The following ARHGEF11 variants were observed in gnomAD, a reference collection of about 807,000 sequenced individuals.
ARHGEF11 encodes Rho guanine exchange factor (GEF) 11.
In ARHGEF11, 55 loss-of-function variants were observed where a neutral mutation model predicts 193.7. That is an observed-to-expected ratio of 0.28 (90% CI 0.23 to 0.36). ARHGEF11 has a LOEUF of 0.36. Ranked by LOEUF, ARHGEF11 falls within the 10% of genes least tolerant of loss-of-function variation. The pLI is 1.00. For synonymous variants in ARHGEF11, 693 were observed against 768.0 expected, an observed-to-expected ratio of 0.90 and a Z score of 1.62; for missense variants, 1,723 against 2,005.6, an observed-to-expected ratio of 0.86 and a Z score of 2.69.
intron 6 of ARHGEF11, among the ~76,000 whole-genome samples, chr1:156,977,324 C>T (rs1303011147): frequency 6.6e-6 from 1 of 152,220 alleles, no homozygotes; most frequent in Non-Finnish European, 1.5e-5. Flanking sequence ...CTGAAAAGTC[C>T]TGTTCCCTAT....
intron 1 of ARHGEF11, among the ~76,000 whole-genome samples, chr1:157,019,985 G>A (rs570885024): frequency 2.4e-4 from 37 of 152,184 alleles, no homozygotes; most frequent in South Asian, 8.3e-4. Context: ...AAATTAGCCA[G>A]GTGTGGTGGC....
chr1:156,941,843 C>G, intron 34 of ARHGEF11, 21 bp downstream of exon 34: 2 of 1,594,236 alleles, frequency 1.3e-6, no homozygotes, highest in Non-Finnish European at 8.5e-7. Context: ...AGTGCAGGGT[C>G]TGGAGGGCTA....
intron 1 of ARHGEF11, among the ~76,000 whole-genome samples, chr1:157,025,137 A>G (rs898799996): frequency 7.9e-5 from 12 of 152,228 alleles, no homozygotes; most frequent in Non-Finnish European, 2.9e-5. Context: ...GTAAAATCAG[A>G]GAGAAGGGGA....
At chr1:156,970,732 G>A (rs1662380446) in intron 8 of ARHGEF11, among the ~76,000 whole-genome samples, 1 of 152,172 alleles carries the variant, frequency 6.6e-6, no homozygotes, top group Non-Finnish European at 1.5e-5. Context: ...CAGCAAACAT[G>A]TACAGCCCCT....
intron 1 of ARHGEF11, among the ~76,000 whole-genome samples, chr1:157,022,161 C>A (rs1209106380): frequency 5.3e-5 from 8 of 152,154 alleles, no homozygotes; most frequent in Non-Finnish European, 2.9e-5. Flanking sequence ...TACTTCTGTG[C>A]AACAATGTGC....
At chr1:157,033,707 C>T (rs1436199427) in intron 1 of ARHGEF11, among the ~76,000 whole-genome samples, 2 of 152,218 alleles carry the variant, frequency 1.3e-5, no homozygotes, top group Non-Finnish European at 2.9e-5. Flanking sequence ...GGTCTCACTA[C>T]AGATCACAGC....
In ARHGEF11 at chr1:157,027,118, A is replaced by G. The variant is rs1309554763; in HGVS notation, c.32+17181T>C. Among the ~76,000 whole-genome samples the G allele has an allele frequency of 2.6e-5, 4 of 152,174 alleles. No individual in the cohort carries two copies. In the South Asian group the frequency reaches 8.3e-4, roughly 32 times the overall value. ...GTCTAGGCTGGCTGCAGTGGCTCAC[A>G]CCTGTAATCCCAGCACTTTAGGAGG... On this transcript the variant is annotated intron_variant, in intron 1 of 40. Transcript: ENST00000368194.
intron 1 of ARHGEF11, among the ~76,000 whole-genome samples, chr1:157,018,206 A>G (rs1232081030): frequency 6.6e-6 from 1 of 152,196 alleles, no homozygotes; most frequent in Non-Finnish European, 1.5e-5. Flanking sequence ...GAAGAAATAC[A>G]TGGTATTTAT....
intron 1 of ARHGEF11, among the ~76,000 whole-genome samples, chr1:156,996,026 C>G (rs528589168): frequency 6.6e-6 from 1 of 152,258 alleles, no homozygotes; most frequent in African/African-American, 2.4e-5. Context: ...ATACTTATCA[C>G]AGCTGTTGAG....
intron 1 of ARHGEF11, among the ~76,000 whole-genome samples, chr1:157,008,130 A>C (rs1213837232): frequency 6.6e-6 from 1 of 152,188 alleles, no homozygotes; most frequent in Non-Finnish European, 1.5e-5. Flanking sequence ...AAAATAATGC[A>C]AATCTACATC....
chr1:157,043,160 T>G lies in ARHGEF11; in HGVS notation c.32+1139A>C, dbSNP rs527689742. On this transcript the variant is annotated intron_variant, in intron 1 of 40. Transcript: ENST00000368194. Reference sequence around the variant, plus strand: ...TTCCACAACCAAAAGGAAATTATTATTAGCATGGATAACCGAAGGTGGACT... The same window carrying G: ...TTCCACAACCAAAAGGAAATTATTAGTAGCATGGATAACCGAAGGTGGACT... Among the ~76,000 whole-genome samples the G allele has an allele frequency of 8.5e-5, 13 of 152,336 alleles. No individual in the cohort carries two copies. In the East Asian group the frequency reaches 2.1e-3, roughly 25 times the overall value.
At chr1:156,947,230 G>A in intron 26 of ARHGEF11, 74 bp downstream of exon 26, 1 of 1,549,464 alleles carries the variant, frequency 6.5e-7, no homozygotes, top group South Asian at 1.3e-5. Context: ...GGGAGGTCCT[G>A]GCAGTGGGGC....
At chr1:156,980,942 G>A (rs1664083976) in intron 3 of ARHGEF11, among the ~76,000 whole-genome samples, 1 of 151,738 alleles carries the variant, frequency 6.6e-6, no homozygotes, top group Non-Finnish European at 1.5e-5. Flanking sequence ...AGTCCTGAGA[G>A]GTTCATAAAG....
At chr1:156,970,722 C>G (rs1305710184) in intron 8 of ARHGEF11, among the ~76,000 whole-genome samples, 1 of 152,190 alleles carries the variant, frequency 6.6e-6, no homozygotes, top group Non-Finnish European at 1.5e-5. Context: ...GCAGTGGCAG[C>G]AGCAAACATG....
intron 1 of ARHGEF11, among the ~76,000 whole-genome samples, chr1:157,030,050 G>A (rs765174221): frequency 1.3e-5 from 2 of 152,138 alleles, no homozygotes; most frequent in Non-Finnish European, 2.9e-5. Context: ...TGATTAAAAT[G>A]TCCTAAAATT....
At chr1:157,026,526 A>G (rs1372764227) in intron 1 of ARHGEF11, among the ~76,000 whole-genome samples, 1 of 152,204 alleles carries the variant, frequency 6.6e-6, no homozygotes, top group Non-Finnish European at 1.5e-5. Context: ...AGAACTGTAG[A>G]AGAGATTTCA....
At chr1:156,997,033 A>G (rs953080040) in intron 1 of ARHGEF11, among the ~76,000 whole-genome samples, 3 of 151,336 alleles carry the variant, frequency 2.0e-5, no homozygotes, top group Non-Finnish European at 4.4e-5. Flanking sequence ...GGCTAGTTAA[A>G]AAAAATTTTT....
At chr1:156,938,732 G>C in intron 37 of ARHGEF11, 1 of 503,752 alleles carries the variant, frequency 2.0e-6, no homozygotes, top group East Asian at 3.3e-5. Context: ...TCAGTTCCCA[G>C]AAACCCAGGA....
Position 156,960,464 on chromosome 1 carries a change from A to T in ARHGEF11, c.1240-4T>A, listed in dbSNP as rs1434712104. Reference sequence around the variant, plus strand: ...CAGGGATCTTCACTCTCAGAGGCTAAAAAACAGAAGTGTGGAGCAGAAGCA... The same window carrying T: ...CAGGGATCTTCACTCTCAGAGGCTATAAAACAGAAGTGTGGAGCAGAAGCA... On this transcript the variant is annotated splice_polypyrimidine_tract_variant and splice_region_variant and intron_variant, in intron 14 of 40. Coordinates refer to ENST00000368194, the MANE Select transcript of ARHGEF11 (RefSeq NM_198236.3). 3 of 1,614,126 alleles carry T rather than the reference A, an allele frequency of 1.9e-6. No individual in the cohort carries two copies.
Sources: allele counts gnomAD v4.1 joint callset (sites outside exome capture counted in the v4.1 genomes callset), GRCh38; gene constraint gnomAD v4.1.1; transcripts MANE v1.5; gene names NCBI Gene and HGNC (gene_info 2026-07-23, HGNC 2026-07-21).